SRPK2: variants seen among roughly 807,000 people sequenced by gnomAD.
SRPK2 encodes the protein SFRS protein kinase 2.
A neutral mutation model predicts 90.8 loss-of-function variants in SRPK2; 21 were observed. The ratio of observed to expected loss-of-function variants is 0.23; its 90% CI spans 0.16 to 0.33. The LOEUF (loss-of-function observed/expected upper bound fraction) is 0.33. SRPK2 is among the 10% of genes least tolerant of loss of function. The pLI is 1.00. For synonymous variants in SRPK2, 288 were observed against 311.1 expected (o/e 0.93, Z 0.78); for missense variants, 620 against 869.0 (o/e 0.71, Z 3.60).
At chr7:105,305,343 G>A (rs570977458) in intron 2 of SRPK2, among the ~76,000 whole-genome samples, 26 of 152,240 alleles carry the variant, frequency 1.7e-4, no homozygotes, top group African/African-American at 5.8e-4. Flanking sequence ...CTACTGGGGA[G>A]GCTGAGGCAG....
chr7:105,351,433 G>A (rs553110855), intron 2 of SRPK2, among the ~76,000 whole-genome samples: 4 of 151,998 alleles, frequency 2.6e-5, no homozygotes, highest in East Asian at 1.9e-4. Flanking sequence ...TGAGGAGGGC[G>A]AATCACCTGA....
intron 2 of SRPK2, among the ~76,000 whole-genome samples, chr7:105,316,681 T>C (rs1812344437): frequency 6.6e-6 from 1 of 152,204 alleles, no homozygotes; most frequent in Non-Finnish European, 1.5e-5. Context: ...AAGAAACTAA[T>C]GCAAGGACAC....
At chr7:105,176,401 G>C (rs1442056538) in intron 3 of SRPK2, among the ~76,000 whole-genome samples, 1 of 151,964 alleles carries the variant, frequency 6.6e-6, no homozygotes, top group South Asian at 2.1e-4. Context: ...ACAAGATAAG[G>C]ATGTCTGCTC....
At chr7:105,230,736 CTTG>C (rs1799323652) in intron 2 of SRPK2, among the ~76,000 whole-genome samples, 1 of 152,062 alleles carries the variant, frequency 6.6e-6, no homozygotes, top group African/African-American at 2.4e-5. Context: ...CATGAAAAAT[CTTG>C]TTGATTCTTG....
intron 11 of SRPK2, among the ~76,000 whole-genome samples, chr7:105,136,179 T>TA (rs2129575597): frequency 6.6e-6 from 1 of 152,364 alleles, no homozygotes; most frequent in East Asian, 1.9e-4. Flanking sequence ...GTTACTTAGC[T>TA]TCTGATGCGT....
intron 15 of SRPK2, among the ~76,000 whole-genome samples, chr7:105,121,534 G>A (rs1349994527): frequency 6.6e-6 from 1 of 152,124 alleles, no homozygotes; most frequent in Non-Finnish European, 1.5e-5. Flanking sequence ...CCCTTCCTGT[G>A]ACTATCAGCT....
intron 2 of SRPK2, among the ~76,000 whole-genome samples, chr7:105,368,902 A>T (rs1319513376): frequency 1.3e-5 from 2 of 151,198 alleles, no homozygotes; most frequent in Non-Finnish European, 2.9e-5. Flanking sequence ...AAAAAAAAAA[A>T]AAAGACTCAG....
chr7:105,163,002 T>C (rs1289550885), intron 6 of SRPK2, among the ~76,000 whole-genome samples: 2 of 152,136 alleles, frequency 1.3e-5, no homozygotes, highest in Non-Finnish European at 2.9e-5. Flanking sequence ...AAGGGAAAAA[T>C]ATACTCAGCA....
intron 7 of SRPK2, among the ~76,000 whole-genome samples, chr7:105,155,970 T>C (rs1049591638): frequency 2.0e-5 from 3 of 152,158 alleles, no homozygotes; most frequent in African/African-American, 7.2e-5. Flanking sequence ...TGAACATTCA[T>C]AAAAAACGTA....
intron 2 of SRPK2, among the ~76,000 whole-genome samples, chr7:105,345,202 G>C (rs1816316966): frequency 6.6e-6 from 1 of 151,260 alleles, no homozygotes; most frequent in Admixed American, 6.6e-5. Flanking sequence ...GGGGAGGGGA[G>C]GGGAAGGGAG....
At chr7:105,313,337 C>T (rs1438464023) in intron 2 of SRPK2, among the ~76,000 whole-genome samples, 3 of 151,342 alleles carry the variant, frequency 2.0e-5, no homozygotes, top group Non-Finnish European at 2.9e-5. Context: ...ATCCCAGCTA[C>T]TCGGGCAGCT....
chr7:105,331,308 CAAAAAAAAAAAAA>C (rs57653042), intron 2 of SRPK2, among the ~76,000 whole-genome samples: 13 of 45,106 alleles, frequency 2.9e-4, no homozygotes, highest in South Asian at 7.3e-4. Context: ...GACTCCGTCT[CAAAAAAAAAAAAA>C]AAAAAAAAAA....
chr7:105,127,453 G>A (rs1195891453), intron 13 of SRPK2, among the ~76,000 whole-genome samples: 1 of 152,202 alleles, frequency 6.6e-6, no homozygotes, highest in African/African-American at 2.4e-5. Context: ...AATAGCCTTG[G>A]CCTCTGTATA....
intron 3 of SRPK2, among the ~76,000 whole-genome samples, chr7:105,188,026 G>A (rs1217784824): frequency 6.6e-6 from 1 of 152,044 alleles, no homozygotes; most frequent in Non-Finnish European, 1.5e-5. Flanking sequence ...TCCACTCCTA[G>A]ATACATACCA....
intron 2 of SRPK2, among the ~76,000 whole-genome samples, chr7:105,341,431 G>A (rs979139086): frequency 2.0e-5 from 3 of 150,030 alleles, no homozygotes; most frequent in South Asian, 2.1e-4. Flanking sequence ...CCAGCACTTC[G>A]AGAGGCCAAG....
At chr7:105,303,086 G>T (rs376488371) in intron 2 of SRPK2, among the ~76,000 whole-genome samples, 8 of 151,902 alleles carry the variant, frequency 5.3e-5, no homozygotes, top group African/African-American at 7.2e-5. Context: ...AAAAAAAGGT[G>T]GGGGGGAGAA....
intron 2 of SRPK2, among the ~76,000 whole-genome samples, chr7:105,246,557 T>G (rs181413691): frequency 8.5e-5 from 13 of 152,266 alleles, no homozygotes; most frequent in Admixed American, 8.5e-4. Flanking sequence ...ATGCGATCAT[T>G]TTCAAAGAGA....
chr7:105,389,608 TCAAAA>T (rs1263770378), upstream of SRPK2, among the ~76,000 whole-genome samples: 1 of 152,088 alleles, frequency 6.6e-6, no homozygotes, highest in African/African-American at 2.4e-5. Flanking sequence ...GTATAACAAT[TCAAAA>T]CAACAATCAC....
At chr7:105,212,695 G>A (rs563054776) in intron 2 of SRPK2, among the ~76,000 whole-genome samples, 1 of 152,116 alleles carries the variant, frequency 6.6e-6, no homozygotes, top group Non-Finnish European at 1.5e-5. Flanking sequence ...GTGTAGAACA[G>A]GTAGAAAGGA....
Sources: gnomAD v4.1 joint callset for allele counts (sites outside exome capture counted in the v4.1 genomes callset) on GRCh38, gnomAD v4.1.1 for gene constraint, MANE v1.5 for transcripts, NCBI Gene and HGNC (gene_info 2026-07-23, HGNC 2026-07-21) for gene names.